DPP4: variants seen among roughly 807,000 people sequenced by gnomAD.
DPP4 encodes dipeptidyl peptidase 4.
A neutral mutation model predicts 122.4 loss-of-function variants in DPP4; 93 were observed. That is an observed-to-expected ratio of 0.76 (90% CI 0.64 to 0.90). The LOEUF (loss-of-function observed/expected upper bound fraction) is 0.90. Among genes scored for constraint, DPP4 ranks in the 40% least tolerant of loss-of-function variants. The probability of loss-of-function intolerance (pLI) is 0.00; values close to 1 mark genes in which losing one functional copy is unlikely to be tolerated. For synonymous variants in DPP4, 321 were observed against 302.9 expected, an observed-to-expected ratio of 1.06 and a Z score of -0.62; for missense variants, 914 against 907.3, an observed-to-expected ratio of 1.01 and a Z score of -0.09.
chr2:162,047,654 A>G (rs1253858540), intron 2 of DPP4, among the ~76,000 whole-genome samples, 153 bp from the exon 3 acceptor site: 1 of 152,200 alleles, frequency 6.6e-6, no homozygotes, highest in East Asian at 1.9e-4. Flanking sequence ...AAGACTTCAG[A>G]CTGAATGGAT....
At chr2:162,038,864 T>C (rs1372536935) in intron 7 of DPP4, 85 bp downstream of exon 7, 4 of 1,176,856 alleles carry the variant, frequency 3.4e-6, no homozygotes, top group Non-Finnish European at 5.1e-6. Context: ...GTTCCTAAGA[T>C]GTCTGCTTTG....
chr2:162,020,276 T>C lies in DPP4; in HGVS notation c.1197A>G (p.Lys399=), dbSNP rs1683072734. 1.9e-6 allele frequency: 3 copies of C among 1,610,138 alleles called. No homozygotes were observed. The East Asian group carries it at 6.7e-5, about 36-fold the overall frequency. The part of the protein sequence containing the change: ...IDKKDCTFIT[K]GTWEVIGIEA... Reference sequence around the variant, plus strand: ...CTATCCCGATGACTTCCCAGGTGCCTTTTGTAATAAATGTGCAGTCCTGAT... The same window carrying C: ...CTATCCCGATGACTTCCCAGGTGCCCTTTGTAATAAATGTGCAGTCCTGAT... The change falls in exon 14 of 26, where the codon AAA becomes AAG. Residue 399 remains lysine, a synonymous_variant. Transcript: ENST00000360534.
At chr2:162,015,481 G>T (rs1169614531) in intron 18 of DPP4, among the ~76,000 whole-genome samples, 2 of 151,812 alleles carry the variant, frequency 1.3e-5, no homozygotes, top group Non-Finnish European at 2.9e-5. Context: ...TAATGAATAT[G>T]CAAAACCCAT....
chr2:162,025,907 T>C (rs1683314274), intron 10 of DPP4, among the ~76,000 whole-genome samples: 1 of 152,120 alleles, frequency 6.6e-6, no homozygotes, highest in Admixed American at 6.6e-5. Flanking sequence ...ACTTGCCCTC[T>C]CCTTCACAGG....
At chr2:161,998,992 C>T (rs540583220) in intron 23 of DPP4, among the ~76,000 whole-genome samples, 7 of 152,200 alleles carry the variant, frequency 4.6e-5, no homozygotes, top group Non-Finnish European at 7.3e-5. Flanking sequence ...ATTTCAAATG[C>T]GCACTTCCCC....
intron 2 of DPP4, among the ~76,000 whole-genome samples, chr2:162,056,302 T>A (rs1333116716): frequency 6.6e-6 from 1 of 152,246 alleles, no homozygotes; most frequent in Non-Finnish European, 1.5e-5. Flanking sequence ...ATTATATTAC[T>A]ACAGCCTAGA....
rs1700903729 is a variant in DPP4, at chr2:161,993,123, T to G, written c.*160A>C. The G allele has an allele frequency of 1.5e-5, 9 of 586,620 alleles. No homozygotes were observed. 36.3% of individuals were successfully genotyped at this position (586,620 alleles called of 1,614,324 possible). A position where few individuals can be genotyped will look rare whatever the true frequency, so the allele number is the denominator to read the frequency against. ...CTGTTGTGAAGACAGAAGTCCCTACTTAAGATGATAGGTATGAAATTTGGG... is the reference window on the plus strand; with the variant it reads ...CTGTTGTGAAGACAGAAGTCCCTACGTAAGATGATAGGTATGAAATTTGGG... On this transcript the variant is annotated 3_prime_UTR_variant, in exon 26 of 26. Coordinates refer to ENST00000360534, the MANE Select transcript of DPP4 (RefSeq NM_001935.4).
rs773857680 is a variant in DPP4 at position 162,047,365 on chromosome 2, G to A, written c.193+38C>T. ...ACATCTCGACTTAACTAGAATGAATGTAAGCATAAAATCTGCCCTACCCCA... is the reference window on the plus strand; with the variant it reads ...ACATCTCGACTTAACTAGAATGAATATAAGCATAAAATCTGCCCTACCCCA... On this transcript the variant is annotated intron_variant, in intron 3 of 25. Transcript: ENST00000360534. 5 of 1,203,530 alleles carry A rather than the reference G, an allele frequency of 4.2e-6. No individual in the cohort carries two copies. The South Asian group carries it at 4.7e-5, about 11-fold the overall frequency. 74.6% of individuals were successfully genotyped at this position (1,203,530 alleles called of 1,614,324 possible). A position where few individuals can be genotyped will look rare whatever the true frequency, so the allele number is the denominator to read the frequency against.
At chr2:162,020,192 A>G in intron 14 of DPP4, 37 bp downstream of exon 14, 1 of 1,555,994 alleles carries the variant, frequency 6.4e-7, no homozygotes, top group East Asian at 2.2e-5. Context: ...GATTATGACA[A>G]GTAGGTTTAT....
chr2:162,055,855 G>A (rs180880784), intron 2 of DPP4, among the ~76,000 whole-genome samples: 65 of 152,154 alleles, frequency 4.3e-4, no homozygotes, highest in African/African-American at 1.5e-3. Context: ...GCAACACTTC[G>A]AAAAAAATAA....
intron 4 of DPP4, among the ~76,000 whole-genome samples, chr2:162,045,925 A>C (rs1038430313): frequency 6.6e-6 from 1 of 152,202 alleles, no homozygotes; most frequent in African/African-American, 2.4e-5. Flanking sequence ...AAGGACGTGG[A>C]TGTTTAGAGA....
chr2:162,008,002 T>C (rs1324779119), intron 22 of DPP4, among the ~76,000 whole-genome samples: 2 of 152,094 alleles, frequency 1.3e-5, no homozygotes, highest in East Asian at 3.9e-4. Context: ...TTCCATCGCT[T>C]ACTCCCTCCC....
intron 5 of DPP4, among the ~76,000 whole-genome samples, chr2:162,041,211 T>C (rs1027471452): frequency 6.6e-6 from 1 of 152,130 alleles, no homozygotes; most frequent in African/African-American, 2.4e-5. Context: ...AAATATTATG[T>C]CTGAATATAG....
chr2:161,996,592 T>C (rs1476907612), intron 23 of DPP4, among the ~76,000 whole-genome samples: 1 of 152,214 alleles, frequency 6.6e-6, no homozygotes, highest in Non-Finnish European at 1.5e-5. Context: ...TTGATTTCTA[T>C]AAGATTGGAA....
intron 2 of DPP4, among the ~76,000 whole-genome samples, chr2:162,053,632 C>T (rs1684462889): frequency 6.6e-6 from 1 of 152,302 alleles, no homozygotes; most frequent in African/African-American, 2.4e-5. Flanking sequence ...CTTGTCTCTG[C>T]TGTCAGCATT....
intron 23 of DPP4, among the ~76,000 whole-genome samples, chr2:162,002,992 C>T (rs1470239378): frequency 1.3e-5 from 2 of 152,212 alleles, no homozygotes; most frequent in Admixed American, 1.3e-4. Context: ...ATCCTGCCCA[C>T]CTTAACTATC....
intron 20 of DPP4, among the ~76,000 whole-genome samples, chr2:162,009,943 A>G (rs1553661590): frequency 6.7e-6 from 1 of 150,298 alleles, no homozygotes; most frequent in Non-Finnish European, 1.5e-5. Context: ...GTATGCACCT[A>G]TTTCTTAATA....
intron 14 of DPP4, among the ~76,000 whole-genome samples, chr2:162,019,721 G>T (rs1275007727): frequency 2.0e-5 from 3 of 151,864 alleles, no homozygotes. Flanking sequence ...GCTACTTCGG[G>T]CGGCGGCAAA....
intron 2 of DPP4, among the ~76,000 whole-genome samples, chr2:162,059,381 G>A (rs1023950576): frequency 6.6e-6 from 1 of 152,200 alleles, no homozygotes; most frequent in Non-Finnish European, 1.5e-5. Flanking sequence ...CTGGCATTAG[G>A]CCGTGAAATC....
Sources: gnomAD v4.1 joint callset for allele counts (sites outside exome capture counted in the v4.1 genomes callset) on GRCh38, gnomAD v4.1.1 for gene constraint, MANE v1.5 for transcripts, NCBI Gene and HGNC (gene_info 2026-07-23, HGNC 2026-07-21) for gene names.